Variants in ASTN2 observed in about 807,000 individuals in gnomAD.
ASTN2 encodes astrotactin-2.
A neutral mutation model predicts 139.8 loss-of-function variants in ASTN2; 54 were observed. The ratio of observed to expected loss-of-function variants is 0.39; its 90% confidence interval spans 0.31 to 0.48. The LOEUF is 0.48. Among genes scored for constraint, ASTN2 ranks in the 20% least tolerant of loss-of-function variants. ASTN2 has a pLI of 0.95. For synonymous variants in ASTN2, 756 were observed against 719.5 expected (o/e 1.05, Z -0.81); for missense variants, 1,565 against 1,725.1 (o/e 0.91, Z 1.64).
Position 116,698,081 on chromosome 9 carries a change from G to A in ASTN2, c.2806+27690C>T, listed in dbSNP as rs150477945. The A allele has an allele frequency of 1.2e-6, 2 of 1,614,138 alleles. No individual in the cohort carries two copies. The highest frequency in any genetic ancestry group is 1.1e-5 in the South Asian group (1 of 91,088). ...GGCGTCTGCCCCGGCAATTCTGCCG[G>A]AGCTGTGGTTTGGTGTTATGTGAGC... On this transcript the variant is annotated intron_variant, in intron 16 of 22. Coordinates refer to ENST00000313400, the MANE Select transcript of ASTN2 (RefSeq NM_001365068.1). This position sits in a 1 kb window ranked among gnomAD's most constrained non-coding sequence, Gnocchi z 4.4.
chr9:117,002,460 GA>G (rs1188836744), intron 7 of ASTN2, among the ~76,000 whole-genome samples: 1 of 152,170 alleles, frequency 6.6e-6, no homozygotes, highest in Admixed American at 6.5e-5. Context: ...GTAAGCAATG[GA>G]AAGAGGGATG....
intron 16 of ASTN2, among the ~76,000 whole-genome samples, chr9:116,687,986 G>T (rs1860358838): frequency 6.6e-6 from 1 of 152,014 alleles, no homozygotes; most frequent in African/African-American, 2.4e-5. Context: ...AGGTGTGAAG[G>T]CAGCACATGA....
At chr9:117,283,934 G>T (rs1834386000) in intron 2 of ASTN2, among the ~76,000 whole-genome samples, 1 of 151,832 alleles carries the variant, frequency 6.6e-6, no homozygotes, top group South Asian at 2.1e-4. Flanking sequence ...AGTATACATT[G>T]GTGGATCTTG....
Position 117,096,798 on chromosome 9 carries a change from C to CATAGATTTAA in ASTN2, c.1169-648_1169-647insTTAAATCTAT, listed in dbSNP as rs1370854830. Among the ~76,000 whole-genome samples, 5 of 152,070 alleles carry CATAGATTTAA rather than the reference C, an allele frequency of 3.3e-5. No homozygotes were observed. The South Asian group carries it at 1.0e-3, about 32-fold the overall frequency. ...GGCCTGAGAAGGTTTTATGCAGGAG[C>CATAGATTTAA]GAAGATTTAAGTCAGGTCTTGAAGG... is the stretch of plus-strand genomic sequence containing the variant. On this transcript the variant is annotated intron_variant, in intron 4 of 22. Coordinates refer to ENST00000313400, the MANE Select transcript of ASTN2 (RefSeq NM_001365068.1).
intron 10 of ASTN2, among the ~76,000 whole-genome samples, chr9:116,897,672 T>TCC (rs1491123730): frequency 6.6e-6 from 1 of 152,134 alleles, no homozygotes; most frequent in African/African-American, 2.4e-5. Flanking sequence ...GAACTGAATC[T>TCC]ATATGTGTCA....
At chr9:117,037,166 C>T (rs993016824) in intron 6 of ASTN2, among the ~76,000 whole-genome samples, 3 of 152,072 alleles carry the variant, frequency 2.0e-5, no homozygotes, top group African/African-American at 7.2e-5. Context: ...TTCCTGCCCT[C>T]ACAGAGATTC....
chr9:117,078,647 C>T (rs1306137544), intron 5 of ASTN2, among the ~76,000 whole-genome samples: 1 of 152,172 alleles, frequency 6.6e-6, no homozygotes, highest in East Asian at 1.9e-4. Context: ...GGCTGGAGGG[C>T]AGAGACCACT....
chr9:117,298,867 T>C (rs538853993), intron 1 of ASTN2, among the ~76,000 whole-genome samples: 3 of 151,906 alleles, frequency 2.0e-5, no homozygotes, highest in Non-Finnish European at 4.4e-5. Flanking sequence ...CCATAAATGT[T>C]CTGTATGTTT....
intron 11 of ASTN2, among the ~76,000 whole-genome samples, chr9:116,839,880 TA>T (rs1374159193): frequency 1.3e-4 from 14 of 107,044 alleles, no homozygotes; most frequent in East Asian, 3.4e-4. Context: ...TTATTATTAT[TA>T]TTTTTTTTTT....
intron 16 of ASTN2, among the ~76,000 whole-genome samples, chr9:116,677,323 C>A (rs1200886675): frequency 2.6e-5 from 4 of 152,030 alleles, no homozygotes; most frequent in East Asian, 1.9e-4. Flanking sequence ...GAAAAAAAAA[C>A]CTCTGTTTTC....
intron 5 of ASTN2, among the ~76,000 whole-genome samples, chr9:117,052,200 G>A (rs939563642): frequency 6.6e-6 from 1 of 152,050 alleles, no homozygotes; most frequent in Non-Finnish European, 1.5e-5. Context: ...CAGCACTTTG[G>A]GAGGCTGAGG....
chr9:117,327,426 T>A (rs531166494), intron 1 of ASTN2, among the ~76,000 whole-genome samples: 2 of 152,212 alleles, frequency 1.3e-5, no homozygotes, highest in African/African-American at 4.8e-5. Flanking sequence ...TGCATGGAAG[T>A]ATATAAAGCA....
chr9:117,290,397 T>C (rs1284973112), intron 2 of ASTN2, among the ~76,000 whole-genome samples: 1 of 152,172 alleles, frequency 6.6e-6, no homozygotes, highest in Admixed American at 6.5e-5. Flanking sequence ...AGAAAGCATA[T>C]AATATAAGCC....
Position 116,863,690 on chromosome 9 carries a change from G to T in ASTN2, c.1933C>A (p.Leu645Met). 1 of 1,614,178 alleles carries T rather than the reference G, an allele frequency of 6.2e-7. No individual in the cohort carries two copies. Among genetic ancestry groups the T allele is most frequent in the Non-Finnish European group, 8.5e-7 (1 of 1,180,018 alleles). ...LSTYFETIND[L>M]LSSFGPVRDC... ...CGAACTGGCCCGAAGGAAGACAGCAGGTCATTGATGGTTTCAAAGTATGTG... is the reference window on the plus strand; with the variant it reads ...CGAACTGGCCCGAAGGAAGACAGCATGTCATTGATGGTTTCAAAGTATGTG... The change falls in exon 11 of 23, where the codon CTG becomes ATG. Residue 645 changes from leucine (L) to methionine (M), a missense_variant. Leu to Met is a conservative substitution (Grantham distance 15). Coordinates refer to ENST00000313400, the MANE Select transcript of ASTN2 (RefSeq NM_001365068.1).
intron 19 of ASTN2, among the ~76,000 whole-genome samples, chr9:116,590,702 C>T (rs1174418920): frequency 1.3e-5 from 2 of 152,142 alleles, no homozygotes; most frequent in Admixed American, 6.5e-5. Context: ...CCATGGACAC[C>T]TATGGACAAA....
chr9:116,788,631 C>A (rs530805824), intron 13 of ASTN2, among the ~76,000 whole-genome samples: 2 of 152,230 alleles, frequency 1.3e-5, no homozygotes, highest in East Asian at 3.9e-4. Flanking sequence ...TGCAAATCCA[C>A]TAACATCATG....
chr9:117,002,948 C>G (rs1394175833), intron 7 of ASTN2, among the ~76,000 whole-genome samples: 1 of 152,108 alleles, frequency 6.6e-6, no homozygotes, highest in African/African-American at 2.4e-5. Context: ...GGAATGCCAC[C>G]TGTAGGAGGA....
At chr9:117,272,199 T>C (rs937597361) in intron 2 of ASTN2, among the ~76,000 whole-genome samples, 1 of 152,198 alleles carries the variant, frequency 6.6e-6, no homozygotes, top group Non-Finnish European at 1.5e-5. Context: ...CTAAACACCA[T>C]GTGGAAGCTG....
chr9:117,131,271 T>C (rs1034892619), intron 4 of ASTN2, among the ~76,000 whole-genome samples: 17 of 152,244 alleles, frequency 1.1e-4, no homozygotes, highest in African/African-American at 3.6e-4. Context: ...TGTCTCATTA[T>C]ACCCCTCTTC....
Sources: gnomAD v4.1 joint callset for allele counts (sites outside exome capture counted in the v4.1 genomes callset) on GRCh38, gnomAD v4.1.1 for gene constraint, Gnocchi (gnomAD v3.1) non-coding constraint, MANE v1.5 for transcripts, NCBI Gene and HGNC (gene_info 2026-07-23, HGNC 2026-07-21) for gene names.